ALPK2: variants seen among roughly 807,000 people sequenced by gnomAD.
The protein encoded by ALPK2 is alpha kinase 2, also known as alpha-protein kinase 2.
In ALPK2, 127 loss-of-function variants were observed where a neutral mutation model predicts 163.1. That is an observed-to-expected ratio of 0.78 (90% CI 0.67 to 0.90). ALPK2 has a LOEUF of 0.90. ALPK2 is among the 40% of genes least tolerant of loss of function. The probability of loss-of-function intolerance (pLI) is 0.00; values close to 1 mark genes in which losing one functional copy is unlikely to be tolerated. For missense variants in ALPK2, 2,360 were observed against 2,589.6 expected, an observed-to-expected ratio of 0.91 and a Z score of 1.92; for synonymous variants, 953 against 959.1, an observed-to-expected ratio of 0.99 and a Z score of 0.12.
intron 10 of ALPK2, among the ~76,000 whole-genome samples, chr18:58,509,478 G>A (rs1186722533): frequency 6.6e-6 from 1 of 152,142 alleles, no homozygotes. Flanking sequence ...CACAATGGTT[G>A]AACTAGTTTA....
intron 3 of ALPK2, among the ~76,000 whole-genome samples, chr18:58,583,591 A>G (rs2051970794): frequency 6.6e-6 from 1 of 152,026 alleles, no homozygotes. Flanking sequence ...AAGTGGGAGA[A>G]TCAGTTGAGC....
chr18:58,597,411 A>T (rs1221084140), intron 3 of ALPK2, among the ~76,000 whole-genome samples: 2 of 152,192 alleles, frequency 1.3e-5, no homozygotes, highest in African/African-American at 4.8e-5. Context: ...AAGTTTCCTT[A>T]TGTGTATTAT....
At chr18:58,606,305 C>A (rs1333357575) in intron 3 of ALPK2, among the ~76,000 whole-genome samples, 1 of 152,160 alleles carries the variant, frequency 6.6e-6, no homozygotes, top group Non-Finnish European at 1.5e-5. Context: ...GTCTCAAACT[C>A]CTGGCCTCAA....
chr18:58,538,141 T>G lies in ALPK2; in HGVS notation c.2046A>C (p.Pro682=), dbSNP rs1568079290. 6.2e-7 allele frequency: 1 copy of G among 1,614,070 alleles called. No individual in the cohort carries two copies. The highest frequency in any genetic ancestry group is 1.7e-5 in the Admixed American group (1 of 60,022). ...AGGAAATTGTTGTGGTCCCAGTGAATGGGGACTCCTCCCCAGCAGGCTCTG... is the reference window on the plus strand; with the variant it reads ...AGGAAATTGTTGTGGTCCCAGTGAAGGGGGACTCCTCCCCAGCAGGCTCTG... The part of the protein sequence containing the change: ...AFSEPAGEES[P]FTGTTTISFS... The change falls in exon 5 of 13, where the codon CCA becomes CCC. Residue 682 remains proline (P), a synonymous_variant. Coordinates refer to ENST00000361673, the MANE Select transcript of ALPK2 (RefSeq NM_052947.4).
rs1156790552 is a variant in ALPK2, at chr18:58,523,721, A to G, written c.5665+85T>C. 53 of 1,535,764 alleles carry G rather than the reference A, an allele frequency of 3.5e-5. 2 individuals carry two copies. The South Asian group carries it at 5.5e-4, about 16-fold the overall frequency. On this transcript the variant is annotated intron_variant, in intron 8 of 12. Coordinates refer to ENST00000361673, the MANE Select transcript of ALPK2 (RefSeq NM_052947.4). ...CTCGGTTGGAAGAGTCCAGAGGATTACTGCTTCTACTCTTTCCTCTGGGAG... is the reference window on the plus strand; with the variant it reads ...CTCGGTTGGAAGAGTCCAGAGGATTGCTGCTTCTACTCTTTCCTCTGGGAG...
chr18:58,543,228 G>T, intron 4 of ALPK2: 1 of 434,792 alleles, frequency 2.3e-6, no homozygotes, highest in Non-Finnish European at 3.1e-6. Context: ...CAAGATGCAG[G>T]CCCTCTGCCT....
chr18:58,589,379 C>G (rs149993026), intron 3 of ALPK2, among the ~76,000 whole-genome samples: 1 of 152,094 alleles, frequency 6.6e-6, no homozygotes, highest in South Asian at 2.1e-4. Flanking sequence ...CCTAAAAGTT[C>G]TTCAGGATTC....
intron 3 of ALPK2, among the ~76,000 whole-genome samples, chr18:58,594,639 G>T (rs188173751): frequency 6.6e-6 from 1 of 152,104 alleles, no homozygotes; most frequent in African/African-American, 2.4e-5. Context: ...CACCCAGCAC[G>T]CCCCAAGCCA....
intron 10 of ALPK2, among the ~76,000 whole-genome samples, chr18:58,509,341 C>T (rs1226741545): frequency 6.6e-6 from 1 of 152,122 alleles, no homozygotes; most frequent in Non-Finnish European, 1.5e-5. Context: ...CCGCAATAAA[C>T]ATCCGTGTGC....
At chr18:58,489,862 C>T (rs1202083697) in intron 12 of ALPK2, among the ~76,000 whole-genome samples, 3 of 151,864 alleles carry the variant, frequency 2.0e-5, no homozygotes, top group African/African-American at 4.8e-5. Context: ...TTTGGGAGGC[C>T]GAGGCTGGTG....
At chr18:58,550,708 GCTTCCATCACGTACAACCCCATCCCCA>G (rs2051753859) in intron 4 of ALPK2, among the ~76,000 whole-genome samples, 1 of 26,220 alleles carries the variant, frequency 3.8e-5, no homozygotes, top group African/African-American at 1.6e-4. Context: ...CCCCATCCCC[GCTTCCATCACGTACAACCCCATCCCCA>G]CCTCCATCAC....
At chr18:58,550,642 A>ATG (rs1483126872) in intron 4 of ALPK2, among the ~76,000 whole-genome samples, 10 of 151,852 alleles carry the variant, frequency 6.6e-5, no homozygotes, top group African/African-American at 9.7e-5. Context: ...CATCACGTAC[A>ATG]ACCCCATCCC....
At chr18:58,611,504 G>A (rs886342726) in intron 2 of ALPK2, among the ~76,000 whole-genome samples, 185 bp downstream of exon 2, 2 of 152,242 alleles carry the variant, frequency 1.3e-5, no homozygotes, top group East Asian at 3.9e-4. Context: ...TCGTGTCCAG[G>A]AAGTCACTCA....
intron 11 of ALPK2, 80 bp downstream of exon 11, chr18:58,503,851 T>C (rs2144112867): frequency 7.3e-7 from 1 of 1,374,100 alleles, no homozygotes; most frequent in African/African-American, 1.4e-5. Flanking sequence ...ATCCTTCCTC[T>C]CCCTCCCCTC....
At chr18:58,503,825 G>C in intron 11 of ALPK2, 106 bp downstream of exon 11, 1 of 1,010,822 alleles carries the variant, frequency 9.9e-7, no homozygotes, top group Non-Finnish European at 1.5e-6. Context: ...GGTGTTTCAA[G>C]GTACCCAGCA....
At chr18:58,483,017 T>C (rs9953179) in intron 12 of ALPK2, among the ~76,000 whole-genome samples, 49,569 of 151,782 alleles carry the variant, frequency 0.33, 8,895 homozygotes, top group African/African-American at 0.48. Context: ...AAATCCCATG[T>C]ACACACTGAA....
intron 3 of ALPK2, among the ~76,000 whole-genome samples, chr18:58,589,076 G>C (rs1364843740): frequency 6.6e-6 from 1 of 152,186 alleles, no homozygotes; most frequent in East Asian, 1.9e-4. Context: ...ATTGATTTAA[G>C]CTATTCACCA....
chr18:58,507,841 C>G (rs1032347219), intron 10 of ALPK2, among the ~76,000 whole-genome samples: 2 of 152,150 alleles, frequency 1.3e-5, no homozygotes, highest in Non-Finnish European at 1.5e-5. Flanking sequence ...GTAACAGCCC[C>G]TCTCCAAAAC....
intron 12 of ALPK2, among the ~76,000 whole-genome samples, chr18:58,487,982 G>C (rs1243295461): frequency 6.6e-6 from 1 of 152,174 alleles, no homozygotes; most frequent in African/African-American, 2.4e-5. Context: ...ATGCTGATTT[G>C]GATTCAGTAG....
Sources: allele counts gnomAD v4.1 joint callset (sites outside exome capture counted in the v4.1 genomes callset), GRCh38; gene constraint gnomAD v4.1.1; transcripts MANE v1.5; gene names NCBI Gene and HGNC (gene_info 2026-07-23, HGNC 2026-07-21).